Variants in STAG1 observed in about 807,000 individuals in gnomAD.
STAG1 encodes cohesin subunit SA-1.
STAG1 carries 26 observed loss-of-function variants against 170.9 expected under a neutral mutation model. The observed-to-expected ratio is 0.15, with a 90% CI of 0.11 to 0.21. The LOEUF is 0.21. STAG1 is among the 10% of genes least tolerant of loss of function. The pLI is 1.00. For missense variants in STAG1, 964 were observed against 1,509.5 expected, an observed-to-expected ratio of 0.64 and a Z score of 5.99; for synonymous variants, 514 against 497.7, an observed-to-expected ratio of 1.03 and a Z score of -0.44.
chr3:136,607,589 G>C (rs1939027963), intron 3 of STAG1, among the ~76,000 whole-genome samples: 1 of 152,130 alleles, frequency 6.6e-6, no homozygotes, highest in Non-Finnish European at 1.5e-5. Context: ...TTTTAGTAGA[G>C]ATGGGGTTTC....
At chr3:136,742,442 G>T (rs780688978) in intron 1 of STAG1, among the ~76,000 whole-genome samples, 11 of 152,018 alleles carry the variant, frequency 7.2e-5, no homozygotes, top group Non-Finnish European at 1.3e-4. Context: ...GGCTGGGCAC[G>T]GTGGCTCATG....
intron 22 of STAG1, among the ~76,000 whole-genome samples, chr3:136,392,765 C>CAAAAAAA (rs71157377): frequency 2.1e-5 from 2 of 93,560 alleles, no homozygotes; most frequent in Non-Finnish European, 4.3e-5. Flanking sequence ...GGCTCCGTCT[C>CAAAAAAA]AAAAAAAAAA....
chr3:136,689,208 C>G (rs1942635017), intron 1 of STAG1, among the ~76,000 whole-genome samples: 1 of 152,178 alleles, frequency 6.6e-6, no homozygotes, highest in African/African-American at 2.4e-5. Context: ...AGAAAACATA[C>G]AGATCATAAC....
chr3:136,502,505 G>A (rs1244497232), intron 8 of STAG1, 123 bp downstream of exon 8: 2 of 1,063,624 alleles, frequency 1.9e-6, no homozygotes, highest in Non-Finnish European at 2.7e-6. Flanking sequence ...TGGAAACCCT[G>A]ACATCAAATA....
intron 3 of STAG1, among the ~76,000 whole-genome samples, chr3:136,615,660 C>T (rs1373140671): frequency 6.6e-6 from 1 of 150,900 alleles, no homozygotes. Flanking sequence ...CACCTGTAGT[C>T]CCAGCTACTT....
At chr3:136,461,488 C>T (rs893781812) in intron 13 of STAG1, among the ~76,000 whole-genome samples, 4 of 149,994 alleles carry the variant, frequency 2.7e-5, no homozygotes, top group Non-Finnish European at 4.4e-5. Flanking sequence ...AATACAAAAT[C>T]AACATAAAAA....
rs183057222 is a variant in STAG1 at position 136,445,725 on chromosome 3, A to G, written c.1429-2321T>C. On this transcript the variant is annotated intron_variant, in intron 14 of 33. Transcript: ENST00000383202. ...ATATATTTGGCAGATTATACCTTCAATAAATACAGACTATCCCCTTTCTAT... is the reference window on the plus strand; with the variant it reads ...ATATATTTGGCAGATTATACCTTCAGTAAATACAGACTATCCCCTTTCTAT... Among the ~76,000 whole-genome samples the G allele has an allele frequency of 3.3e-5, 5 of 152,342 alleles. 1 individual carries two copies. The highest frequency in any genetic ancestry group is 4.8e-5 in the African/African-American group (2 of 41,592).
At chr3:136,454,311 C>T (rs2089039150) in intron 13 of STAG1, among the ~76,000 whole-genome samples, 1 of 151,766 alleles carries the variant, frequency 6.6e-6, no homozygotes, top group African/African-American at 2.4e-5. Context: ...AACTCCTGAC[C>T]TCAAGTAATC....
At chr3:136,363,586 TAAAA>T in intron 25 of STAG1, 119 bp from the exon 26 acceptor site, 1 of 465,028 alleles carries the variant, frequency 2.2e-6, no homozygotes, top group East Asian at 3.4e-5. Flanking sequence ...GGTTGGTTGG[TAAAA>T]GAAAGGAAAG....
At chr3:136,710,482 T>C (rs1039550890) in intron 1 of STAG1, among the ~76,000 whole-genome samples, 6 of 152,168 alleles carry the variant, frequency 3.9e-5, no homozygotes, top group Admixed American at 3.9e-4. Context: ...CACACAACAC[T>C]ATGCAGTATT....
intron 30 of STAG1, among the ~76,000 whole-genome samples, chr3:136,342,378 G>GTGTAAT (rs1272828576): frequency 6.6e-6 from 1 of 152,044 alleles, no homozygotes; most frequent in Non-Finnish European, 1.5e-5. Context: ...GAGTGCAGTG[G>GTGTAAT]CATGATCTCA....
At chr3:136,657,559 C>T (rs1057351424) in intron 1 of STAG1, among the ~76,000 whole-genome samples, 2 of 152,128 alleles carry the variant, frequency 1.3e-5, no homozygotes, top group African/African-American at 2.4e-5. Context: ...GGTGGCCTCA[C>T]GCCTGTAATC....
intron 1 of STAG1, among the ~76,000 whole-genome samples, chr3:136,691,836 C>A (rs181393577): frequency 6.2e-4 from 95 of 152,338 alleles, no homozygotes; most frequent in African/African-American, 2.2e-3. Context: ...ATCTACATAT[C>A]ATAGTAAGGA....
intron 6 of STAG1, among the ~76,000 whole-genome samples, chr3:136,527,890 C>A (rs1306323419): frequency 6.6e-6 from 1 of 152,174 alleles, no homozygotes; most frequent in Non-Finnish European, 1.5e-5. Context: ...GCGGATGCTG[C>A]AGAACAGTGA....
In STAG1 at chr3:136,470,243, A is replaced by C. The variant is rs944967832; in HGVS notation, c.1205+2170T>G. On this transcript the variant is annotated intron_variant, in intron 12 of 33. Coordinates refer to ENST00000383202, the MANE Select transcript of STAG1 (RefSeq NM_005862.3). ...ATTTTCACAATCTACTCATCTGACAAAAGGCTAATATCCAGAATTTACAAA... is the reference window on the plus strand; with the variant it reads ...ATTTTCACAATCTACTCATCTGACACAAGGCTAATATCCAGAATTTACAAA... Among the ~76,000 whole-genome samples, 3 of 152,236 alleles carry C rather than the reference A, an allele frequency of 2.0e-5. No individual in the cohort carries two copies. In the South Asian group the frequency reaches 6.2e-4, roughly 31 times the overall value.
At chr3:136,525,820 A>T (rs986575764) in intron 6 of STAG1, among the ~76,000 whole-genome samples, 1 of 152,218 alleles carries the variant, frequency 6.6e-6, no homozygotes, top group Non-Finnish European at 1.5e-5. Flanking sequence ...GGTTTCAAAC[A>T]ACATCTTTAT....
At chr3:136,515,062 A>T (rs967791585) in intron 7 of STAG1, among the ~76,000 whole-genome samples, 17 of 150,358 alleles carry the variant, frequency 1.1e-4, no homozygotes, top group East Asian at 3.9e-4. Context: ...AAGTATAATT[A>T]AAAAAAAAAT....
At chr3:136,553,987 C>T (rs1054803371) in intron 5 of STAG1, among the ~76,000 whole-genome samples, 7 of 151,906 alleles carry the variant, frequency 4.6e-5, no homozygotes, top group African/African-American at 1.7e-4. Context: ...AAAATACGAT[C>T]CAGCTGTAAG....
At position 136,405,791 on chromosome 3, in the gene STAG1, CAAAAAAAAAAAAAAA is replaced by C. The variant is rs34952291; in HGVS notation, c.2197-6977_2197-6963del. ...GGGTGACAGAATGAGACTCTATCTC[CAAAAAAAAAAAAAAA>C]AAAAAAAAAAAAAAAGGAAAAATGT... On this transcript the variant is annotated intron_variant, in intron 21 of 33. Transcript: ENST00000383202. Among the ~76,000 whole-genome samples the C allele has an allele frequency of 8.8e-4, 44 of 50,102 alleles. 1 individual carries two copies. The highest frequency in any genetic ancestry group is 1.7e-3 in the African/African-American group (19 of 11,202). 32.9% of individuals were successfully genotyped at this position (50,102 alleles called of 152,430 possible).
Sources: gnomAD v4.1 joint callset for allele counts (sites outside exome capture counted in the v4.1 genomes callset) on GRCh38, gnomAD v4.1.1 for gene constraint, MANE v1.5 for transcripts, NCBI Gene and HGNC (gene_info 2026-07-23, HGNC 2026-07-21) for gene names.